The following RITA1 variants were observed in gnomAD, a reference collection of about 807,000 sequenced individuals.
RITA1 encodes the protein RBPJ interacting and tubulin associated 1, also known as RBPJ-interacting and tubulin-associated protein 1.
RITA1 carries 15 observed loss-of-function variants against 8.7 expected under a neutral mutation model. The ratio of observed to expected loss-of-function variants is 1.72; its 90% confidence interval spans 1.15 to 2.65. The LOEUF (loss-of-function observed/expected upper bound fraction) is 2.65, where lower values mean the gene tolerates loss of function less well. Among genes scored for constraint, RITA1 ranks in the 30% most tolerant of loss-of-function variants. RITA1 has a pLI of 0.00. For synonymous variants in RITA1, 145 were observed against 156.2 expected, an observed-to-expected ratio of 0.93 and a Z score of 0.53; for missense variants, 330 against 363.8, an observed-to-expected ratio of 0.91 and a Z score of 0.76.
At chr12:113,190,394 C>T (rs1251187036) in intron 3 of RITA1, among the ~76,000 whole-genome samples, 1 of 152,064 alleles carries the variant, frequency 6.6e-6, no homozygotes, top group African/African-American at 2.4e-5. Context: ...TCCTGCAATC[C>T]TAACACTTTG....
At chr12:113,188,786 C>CTTT (rs1566105385) in intron 3 of RITA1, among the ~76,000 whole-genome samples, 1 of 64,258 alleles carries the variant, frequency 1.6e-5, no homozygotes, top group Non-Finnish European at 3.2e-5. Flanking sequence ...GCCTTAGTTA[C>CTTT]CTTTTTTTTT....
Position 113,192,157 on chromosome 12 carries a change from C to A in RITA1, c.*340C>A. On this transcript the variant is annotated 3_prime_UTR_variant, in exon 4 of 4. Transcript: ENST00000548278. ...GCGAATAAACGGCGTGATTGCCAAC[C>A]TGGAGGGTCCCCTCTTATCCCTTCA... 4.1e-6 allele frequency: 1 copy of A among 244,070 alleles called. No individual in the cohort carries two copies. The allele number at this position is 244,070 out of a possible 1,614,324, so 15.1% of individuals were successfully genotyped here. A position where few individuals can be genotyped will look rare whatever the true frequency, so the allele number is the denominator to read the frequency against.
At position 113,186,688 on chromosome 12, in the gene RITA1, C is replaced by T. The variant is rs1460525987; in HGVS notation, c.-59C>T. ...ACTCTGACCTCCTCTCACAGGGAGC[C>T]TCGGAAGCAGGGCCTGGCCGGCAGA... On this transcript the variant is annotated 5_prime_UTR_variant, in exon 3 of 4. Transcript: ENST00000548278. The T allele has an allele frequency of 1.3e-6, 2 of 1,591,720 alleles. No homozygotes were observed. The highest frequency in any genetic ancestry group is 1.7e-6 in the Non-Finnish European group (2 of 1,165,258).
chr12:113,191,961 C>A lies in RITA1; in HGVS notation c.*144C>A. 1 of 1,054,086 alleles carries A rather than the reference C, an allele frequency of 9.5e-7. No homozygotes were observed. The highest frequency in any genetic ancestry group is 1.6e-5 in the African/African-American group (1 of 62,142). 65.3% of individuals were successfully genotyped at this position (1,054,086 alleles called of 1,614,324 possible). On this transcript the variant is annotated 3_prime_UTR_variant, in exon 4 of 4. Coordinates refer to ENST00000548278, the MANE Select transcript of RITA1 (RefSeq NM_032848.3). This position sits in a 1 kb window ranked among gnomAD's most constrained non-coding sequence, Gnocchi z 4.0. ...ACAGACATAGCAGGGGTGGGCAGTGCCTCCCTTTATCCTGACAATCTCTAG... is the reference window on the plus strand; with the variant it reads ...ACAGACATAGCAGGGGTGGGCAGTGACTCCCTTTATCCTGACAATCTCTAG...
Position 113,190,367 on chromosome 12 carries a change from T to C in RITA1, c.303-943T>C, listed in dbSNP as rs148971703. 4.8e-4 allele frequency among the ~76,000 whole-genome samples: 73 copies of C among 151,566 alleles called. No homozygotes were observed. The East Asian group carries it at 8.9e-3, about 18-fold the overall frequency. On this transcript the variant is annotated intron_variant, in intron 3 of 3. Coordinates refer to ENST00000548278, the MANE Select transcript of RITA1 (RefSeq NM_032848.3). ...AGAAAAAGAAAGAAAGAAAAGAAAA[T>C]GGGCACGGTGGCTTACTCCTGCAAT...
chr12:113,190,818 C>T (rs932476814), intron 3 of RITA1, among the ~76,000 whole-genome samples: 7 of 152,224 alleles, frequency 4.6e-5, no homozygotes, highest in African/African-American at 1.7e-4. Context: ...CACCTTAGTG[C>T]TGCTTTTCCC....
At chr12:113,187,118 T>C (rs1952547973) in intron 3 of RITA1, 70 bp downstream of exon 3, 1 of 1,438,128 alleles carries the variant, frequency 7.0e-7, no homozygotes, top group Non-Finnish European at 9.3e-7. Context: ...AGCTCTGGTG[T>C]TCACCTGCTC....
At position 113,186,813 on chromosome 12, in the gene RITA1, G is replaced by A. The variant is rs2136333017; in HGVS notation, c.67G>A (p.Gly23Ser). 6.2e-7 allele frequency: 1 copy of A among 1,613,876 alleles called. No homozygotes were observed. Among genetic ancestry groups the A allele is most frequent in the Non-Finnish European group, 8.5e-7 (1 of 1,179,980 alleles). The change falls in exon 3 of 4, where the codon GGT (glycine) becomes AGT (serine). Residue 23 changes from glycine to serine, a missense_variant. Physicochemically the swap from Gly to Ser is moderately conservative, Grantham distance 56. Transcript: ENST00000548278. ...CCTCGGCCTTCAGCACCGCTGCCGA[G>A]GTGGCTACCGGGTCAAGGCCAGGAC... ...QTLGLQHRCRGGYRVKARTSY... is the reference protein window; with the variant it reads ...QTLGLQHRCRSGYRVKARTSY...
In RITA1 at chr12:113,185,872, G is replaced by A. The variant is rs952109240; in HGVS notation, c.-346G>A. ...GGACGGCCTAGGCTGCCGGGGGTCC[G>A]GGGCCCCAGGCATTCCGGGCTGCAG... On this transcript the variant is annotated 5_prime_UTR_variant, in exon 1 of 4. Coordinates refer to ENST00000548278, the MANE Select transcript of RITA1 (RefSeq NM_032848.3). 4 of 1,259,176 alleles carry A rather than the reference G, an allele frequency of 3.2e-6. No homozygotes were observed. The African/African-American group carries it at 4.5e-5, about 14-fold the overall frequency. The allele number at this position is 1,259,176 out of a possible 1,614,324, so 78.0% of individuals were successfully genotyped here.
At chr12:113,187,225 A>G in intron 3 of RITA1, 177 bp downstream of exon 3, 1 of 665,676 alleles carries the variant, frequency 1.5e-6, no homozygotes, top group Non-Finnish European at 2.5e-6. Context: ...TTGATGGATT[A>G]AATGAGAGAG....
Position 113,191,346 on chromosome 12 carries a change from G to T in RITA1, c.339G>T (p.Ser113=). 6.4e-7 allele frequency: 1 copy of T among 1,566,360 alleles called. No individual in the cohort carries two copies. The highest frequency in any genetic ancestry group is 8.7e-7 in the Non-Finnish European group (1 of 1,155,024). Residue 113 remains serine (S), a synonymous_variant, in exon 4 of 4, where the codon TCG becomes TCT. Coordinates refer to ENST00000548278, the MANE Select transcript of RITA1 (RefSeq NM_032848.3). This position sits in a 1 kb window ranked among gnomAD's most constrained non-coding sequence, Gnocchi z 4.0. ...ISHTPSYCDE[S]LFGSRSEGAS... is the part of the protein sequence containing the mutation. ...ACACCCCGTCTTACTGTGATGAGTC[G>T]CTGTTTGGCTCCCGATCTGAAGGCG...
intron 2 of RITA1, 103 bp downstream of exon 2, chr12:113,186,419 G>T (rs1593014437): frequency 7.3e-7 from 1 of 1,373,888 alleles, no homozygotes; most frequent in Non-Finnish European, 9.4e-7. Context: ...TCTGGTTGGT[G>T]CCTAAATAGA....
chr12:113,191,059 G>A lies in RITA1; in HGVS notation c.303-251G>A, dbSNP rs1952595051. On this transcript the variant is annotated intron_variant, in intron 3 of 3. Transcript: ENST00000548278. This position sits in a 1 kb window ranked among gnomAD's most constrained non-coding sequence, Gnocchi z 4.0. ...AATATGCAAATTGTCCAGGCCTGGGGCACATGTCTGGGAATGGGGTCAGGA... is the reference window on the plus strand; with the variant it reads ...AATATGCAAATTGTCCAGGCCTGGGACACATGTCTGGGAATGGGGTCAGGA... 1.3e-5 allele frequency among the ~76,000 whole-genome samples: 2 copies of A among 152,224 alleles called. No homozygotes were observed. Among genetic ancestry groups the A allele is most frequent in the Non-Finnish European group, 2.9e-5 (2 of 68,040 alleles).
At chr12:113,189,111 G>C (rs1952571998) in intron 3 of RITA1, among the ~76,000 whole-genome samples, 1 of 151,840 alleles carries the variant, frequency 6.6e-6, no homozygotes, top group Non-Finnish European at 1.5e-5. Context: ...TGTCTGGCCA[G>C]CCTTAATTAC....
At chr12:113,186,442 C>T (rs1007680219) in intron 2 of RITA1, 126 bp downstream of exon 2, 2 of 1,368,998 alleles carry the variant, frequency 1.5e-6, no homozygotes, top group Non-Finnish European at 1.9e-6. Context: ...CAGGTGTCAT[C>T]TCTCCTTCAC....
intron 3 of RITA1, chr12:113,187,295 G>A: frequency 2.3e-6 from 1 of 438,866 alleles, no homozygotes; most frequent in South Asian, 5.2e-5. Context: ...AAATGGTAGT[G>A]TTGATGGTTG....
At chr12:113,186,581 G>A in intron 2 of RITA1, 102 bp from the exon 3 acceptor site, 1 of 1,424,720 alleles carries the variant, frequency 7.0e-7, no homozygotes, top group East Asian at 2.5e-5. Context: ...GAGACTGGTT[G>A]AGAGAGAACT....
chr12:113,190,029 TA>T (rs56327935), intron 3 of RITA1, among the ~76,000 whole-genome samples: 6,267 of 71,226 alleles, frequency 0.088, 154 homozygotes, highest in Middle Eastern at 0.12. Context: ...CCCTGTCTCT[TA>T]AAAAAAAAAA....
Position 113,191,893 on chromosome 12 carries a change from A to ATG in RITA1, c.*76_*77insTG. ...TTGCCAGGGTAGGAGGACATTCATCACCCAGGGAACCCCAGGTATTAAAGA... is the reference window on the plus strand; with the variant it reads ...TTGCCAGGGTAGGAGGACATTCATCATGCCCAGGGAACCCCAGGTATTAAAGA... On this transcript the variant is annotated 3_prime_UTR_variant, in exon 4 of 4. Transcript: ENST00000548278. This position sits in a 1 kb window ranked among gnomAD's most constrained non-coding sequence, Gnocchi z 4.0. The ATG allele has an allele frequency of 6.7e-7, 1 of 1,501,122 alleles. No homozygotes were observed. Among genetic ancestry groups the ATG allele is most frequent in the Non-Finnish European group, 8.9e-7 (1 of 1,121,416 alleles). The allele number at this position is 1,501,122 out of a possible 1,614,324, so 93.0% of individuals were successfully genotyped here. A position where few individuals can be genotyped will look rare whatever the true frequency, so the allele number is the denominator to read the frequency against.
Sources: allele counts gnomAD v4.1 joint callset (sites outside exome capture counted in the v4.1 genomes callset), GRCh38; gene constraint gnomAD v4.1.1; non-coding constraint Gnocchi (gnomAD v3.1); transcripts MANE v1.5; gene names NCBI Gene and HGNC (gene_info 2026-07-23, HGNC 2026-07-21).